Variants in AKIP1 observed in about 807,000 individuals in gnomAD.
AKIP1 encodes A-kinase-interacting protein 1.
In AKIP1, 18 loss-of-function variants were observed where a neutral mutation model predicts 22.3. That is an observed-to-expected ratio of 0.81 (90% CI 0.56 to 1.19). The LOEUF is 1.19. AKIP1 is among the 50% of genes most tolerant of loss of function. AKIP1 has a pLI of 0.00. For missense variants in AKIP1, 287 were observed against 264.6 expected (o/e 1.08, Z -0.59); for synonymous variants, 120 against 102.7 (o/e 1.17, Z -1.02).
At position 8,915,822 on chromosome 11, in the gene AKIP1, T is replaced by TC. The variant is rs201643192; in HGVS notation, c.408+892_408+893insC. On this transcript the variant is annotated intron_variant, in intron 4 of 5. Coordinates refer to ENST00000309377, the MANE Select transcript of AKIP1 (RefSeq NM_020642.4). The stretch of plus-strand genomic sequence containing the variant: ...GCTAATTTTTGTATTTTTCTTTCTT[T>TC]TTTTTTTTTTTTTTTTGTGGAGTCA... Among the ~76,000 whole-genome samples the TC allele has an allele frequency of 1.5e-3, 214 of 141,724 alleles. 10 individuals carry two copies. The highest frequency in any genetic ancestry group is 2.1e-3 in the African/African-American group (82 of 39,098). 93.0% of individuals were successfully genotyped at this position (141,724 alleles called of 152,430 possible). A position where few individuals can be genotyped will look rare whatever the true frequency, so the allele number is the denominator to read the frequency against.
intron 4 of AKIP1, 94 bp from the exon 5 acceptor site, chr11:8,917,193 A>G (rs1203043344): frequency 1.3e-6 from 1 of 749,040 alleles, no homozygotes; most frequent in Admixed American, 2.9e-5. Context: ...CTGACAGAAC[A>G]ATTACTAACT....
In AKIP1 at chr11:8,919,650, T is replaced by G. The variant is rs4910156; in HGVS notation, c.*170T>G. ...TGCTTTTTTGTTTGTTTGGTTGGTT[T>G]TTTTTTGAGACAGTCTCACTCTGTT... On this transcript the variant is annotated 3_prime_UTR_variant, in exon 6 of 6. Transcript: ENST00000309377. 293,687 of 722,660 alleles carry G rather than the reference T, an allele frequency of 0.41. 62,619 individuals carry two copies. The highest frequency in any genetic ancestry group is 0.44 in the Non-Finnish European group (200,704 of 454,608). The allele number at this position is 722,660 out of a possible 1,614,324, so 44.8% of individuals were successfully genotyped here.
intron 5 of AKIP1, among the ~76,000 whole-genome samples, chr11:8,918,322 C>T (rs987041118): frequency 6.6e-6 from 1 of 152,180 alleles, no homozygotes; most frequent in Admixed American, 6.5e-5. Context: ...CTTCCAATTT[C>T]GCAGTAACTG....
chr11:8,915,877 G>A (rs2064477515), intron 4 of AKIP1, among the ~76,000 whole-genome samples: 3 of 144,752 alleles, frequency 2.1e-5, no homozygotes, highest in East Asian at 2.1e-4. Context: ...GGGCTGGAGT[G>A]CAGTGGCACA....
intron 5 of AKIP1, 29 bp from the exon 6 acceptor site, chr11:8,919,308 A>G (rs1566108022): frequency 1.9e-6 from 3 of 1,601,798 alleles, no homozygotes; most frequent in African/African-American, 2.7e-5. Context: ...TAAAATCTCT[A>G]AACTGCTAAT....
intron 5 of AKIP1, 56 bp downstream of exon 5, chr11:8,917,423 C>T (rs1008970812): frequency 7.6e-7 from 1 of 1,311,562 alleles, no homozygotes; most frequent in Non-Finnish European, 1.1e-6. Context: ...CTCCATGAAC[C>T]AGTTGACATG....
At chr11:8,913,294 T>C (rs2134800266) in intron 3 of AKIP1, among the ~76,000 whole-genome samples, 1 of 151,480 alleles carries the variant, frequency 6.6e-6, no homozygotes, top group African/African-American at 2.4e-5. Context: ...TTCAAGCGAT[T>C]CTCCTGCCTC....
intron 3 of AKIP1, 142 bp from the exon 4 acceptor site, chr11:8,914,684 T>A: frequency 3.3e-6 from 2 of 610,792 alleles, no homozygotes; most frequent in Non-Finnish European, 5.9e-6. Context: ...TTGCATGACT[T>A]CAGAGGCCTG....
Position 8,912,529 on chromosome 11 carries a change from G to T in AKIP1, c.299G>T (p.Cys100Phe). 2.5e-6 allele frequency: 4 copies of T among 1,613,948 alleles called. No homozygotes were observed. The highest frequency in any genetic ancestry group is 3.4e-6 in the Non-Finnish European group (4 of 1,179,818). ...TTCATGGACTATACTTCAAGTCAGT[G>T]TGGGGTAAGTTGGTGTGAACCAAAA... is the stretch of plus-strand genomic sequence containing the variant. ...AEFMDYTSSQ[C>F]GKYYSSVPEE... The change falls in exon 3 of 6, where the codon TGT becomes TTT. Residue 100 changes from cysteine (C) to phenylalanine (F), a missense_variant. By Grantham distance (205) the Cys-to-Phe change is radical (BLOSUM62 -2). Transcript: ENST00000309377.
intron 3 of AKIP1, among the ~76,000 whole-genome samples, chr11:8,912,879 T>TTTTTTC (rs1375530308): frequency 7.7e-6 from 1 of 129,200 alleles, no homozygotes; most frequent in Non-Finnish European, 1.7e-5. Context: ...AACTTTTTTT[T>TTTTTTC]TTTTTTTTTT....
At position 8,911,224 on chromosome 11, in the gene AKIP1, G is replaced by C. The variant is rs1051263698; in HGVS notation, c.-7+1G>C. On this transcript the variant is annotated splice_donor_variant, in intron 1 of 5. Transcript: ENST00000309377. LOFTEE classifies it low-confidence loss of function (5UTR_SPLICE). ...GCATGCGCCTTGACGAGTGAGCCGG[G>C]TGAGGGGGCTCCCTAAGTAGCGGAA... 1 of 561,868 alleles carries C rather than the reference G, an allele frequency of 1.8e-6. No individual in the cohort carries two copies. The highest frequency in any genetic ancestry group is 1.9e-5 in the African/African-American group (1 of 52,844). 34.8% of individuals were successfully genotyped at this position (561,868 alleles called of 1,614,324 possible). A position where few individuals can be genotyped will look rare whatever the true frequency, so the allele number is the denominator to read the frequency against.
At position 8,912,906 on chromosome 11, in the gene AKIP1, G is replaced by T. The variant is rs188437863; in HGVS notation, c.303+373G>T. On this transcript the variant is annotated intron_variant, in intron 3 of 5. Transcript: ENST00000309377. ...TTTTTTTTTTTTGAGACAGAGGCTT[G>T]CTCTGTGGCACAGGCTGGAGTGCAG... Among the ~76,000 whole-genome samples, 374 of 116,502 alleles carry T rather than the reference G, an allele frequency of 3.2e-3. 5 individuals are homozygous for T. Among genetic ancestry groups the T allele is most frequent in the African/African-American group, 0.012 (358 of 29,826 alleles). 76.4% of individuals were successfully genotyped at this position (116,502 alleles called of 152,430 possible).
At chr11:8,916,805 G>A (rs1462555207) in intron 4 of AKIP1, among the ~76,000 whole-genome samples, 1 of 152,124 alleles carries the variant, frequency 6.6e-6, no homozygotes, top group Non-Finnish European at 1.5e-5. Context: ...GTACATGTGG[G>A]GAAGAGTCGT....
chr11:8,913,169 G>T (rs1360612931), intron 3 of AKIP1, among the ~76,000 whole-genome samples: 1 of 141,410 alleles, frequency 7.1e-6, no homozygotes, highest in Non-Finnish European at 1.5e-5. Flanking sequence ...GTGAGCCACC[G>T]TGCCCGACCT....
intron 5 of AKIP1, 103 bp from the exon 6 acceptor site, chr11:8,919,234 T>C (rs968995403): frequency 7.9e-6 from 9 of 1,137,982 alleles, no homozygotes; most frequent in Middle Eastern, 2.3e-4. Context: ...ACATTAGCGC[T>C]TCATTCCATC....
chr11:8,912,447 A>G lies in AKIP1; in HGVS notation c.223-6A>G. 6.2e-7 allele frequency: 1 copy of G among 1,612,222 alleles called. No individual in the cohort carries two copies. Among genetic ancestry groups the G allele is most frequent in the Admixed American group, 1.7e-5 (1 of 60,030 alleles). On this transcript the variant is annotated splice_polypyrimidine_tract_variant and splice_region_variant and intron_variant, in intron 2 of 5. Transcript: ENST00000309377. ...CTAACCTGTGACGTGCCATTTATTCAAATAGAGAGAAGAGAGACCCCCAAC... is the reference window on the plus strand; with the variant it reads ...CTAACCTGTGACGTGCCATTTATTCGAATAGAGAGAAGAGAGACCCCCAAC...
intron 2 of AKIP1, among the ~76,000 whole-genome samples, chr11:8,912,073 T>C (rs1227386284): frequency 6.7e-6 from 1 of 149,328 alleles, no homozygotes; most frequent in East Asian, 2.0e-4. Context: ...GGCGCATGTC[T>C]GTAATCCCAG....
At chr11:8,912,084 G>A (rs949570179) in intron 2 of AKIP1, among the ~76,000 whole-genome samples, 1 of 143,954 alleles carries the variant, frequency 6.9e-6, no homozygotes, top group African/African-American at 2.5e-5. Context: ...GTAATCCCAG[G>A]TACTAGGGAG....
At chr11:8,915,531 T>A (rs1043007222) in intron 4 of AKIP1, among the ~76,000 whole-genome samples, 1 of 151,630 alleles carries the variant, frequency 6.6e-6, no homozygotes, top group African/African-American at 2.4e-5. Context: ...CCAGCTAATT[T>A]TTAATGTTTT....
Sources: allele counts gnomAD v4.1 joint callset (sites outside exome capture counted in the v4.1 genomes callset), GRCh38; gene constraint gnomAD v4.1.1; transcripts MANE v1.5; gene names NCBI Gene and HGNC (gene_info 2026-07-23, HGNC 2026-07-21).